OSCP1: variants seen among roughly 807,000 people sequenced by gnomAD.
The protein encoded by OSCP1 is organic solute carrier partner 1.
In OSCP1, 35 loss-of-function variants were observed where a neutral mutation model predicts 45.1. The ratio of observed to expected loss-of-function variants is 0.78; its 90% confidence interval spans 0.59 to 1.03. OSCP1 has a LOEUF of 1.03. OSCP1 is among the 50% of genes least tolerant of loss of function. OSCP1 has a pLI of 0.00. For synonymous variants in OSCP1, 179 were observed against 180.1 expected, an observed-to-expected ratio of 0.99 and a Z score of 0.05; for missense variants, 400 against 470.7, an observed-to-expected ratio of 0.85 and a Z score of 1.39.
chr1:36,450,166 G>A (rs1203822515), intron 1 of OSCP1, 92 bp downstream of exon 1: 1 of 990,108 alleles, frequency 1.0e-6, no homozygotes, highest in Non-Finnish European at 1.6e-6. Flanking sequence ...GAAGTGTGTA[G>A]GGGTGCGGGT....
At chr1:36,421,300 T>G (rs140828683) in intron 7 of OSCP1, among the ~76,000 whole-genome samples, 182 of 152,272 alleles carry the variant, frequency 1.2e-3, no homozygotes, top group African/African-American at 4.2e-3. Context: ...ATCCGTTACG[T>G]AAGCCTCGTG....
chr1:36,422,679 T>C (rs1647725455), intron 6 of OSCP1, 89 bp downstream of exon 6: 2 of 1,297,816 alleles, frequency 1.5e-6, no homozygotes, highest in Non-Finnish European at 2.1e-6. Flanking sequence ...GGGATTTTCA[T>C]AGCAGAAGTC....
intron 2 of OSCP1, among the ~76,000 whole-genome samples, chr1:36,434,569 T>G (rs3931588): frequency 0.34 from 51,939 of 151,462 alleles, 9,205 homozygotes; most frequent in East Asian, 0.55. Context: ...GGCCAACATG[T>G]TGAAACCCCA....
chr1:36,449,429 T>G (rs1649741684), intron 1 of OSCP1, among the ~76,000 whole-genome samples: 1 of 122,774 alleles, frequency 8.1e-6, no homozygotes, highest in South Asian at 2.5e-4. Context: ...ACTTTCTTAT[T>G]TTTTTCATAT....
chr1:36,438,668 T>A, intron 2 of OSCP1, 88 bp downstream of exon 2: 1 of 1,458,202 alleles, frequency 6.9e-7, no homozygotes, highest in Non-Finnish European at 9.2e-7. Context: ...GACCATTGCA[T>A]ACATCATCTC....
intron 9 of OSCP1, 69 bp downstream of exon 9, chr1:36,418,922 G>C (rs1647440484): frequency 2.3e-6 from 3 of 1,294,946 alleles, no homozygotes; most frequent in Non-Finnish European, 3.3e-6. Context: ...GCGAGACCCT[G>C]TCTCAAGAAA....
At chr1:36,419,463 A>C (rs145110031) in intron 8 of OSCP1, among the ~76,000 whole-genome samples, 1 of 152,368 alleles carries the variant, frequency 6.6e-6, no homozygotes, top group African/African-American at 2.4e-5. Flanking sequence ...TCTAGGTCTT[A>C]CATCTTTGCA....
intron 4 of OSCP1, among the ~76,000 whole-genome samples, chr1:36,424,594 C>T (rs1647854007): frequency 6.6e-6 from 1 of 152,212 alleles, no homozygotes; most frequent in Non-Finnish European, 1.5e-5. Flanking sequence ...ACCTTATCCA[C>T]ATGCTGGACT....
chr1:36,422,830 A>G lies in OSCP1; in HGVS notation c.687T>C (p.Pro229=). Reference sequence around the variant, plus strand: ...GTTCAAAAGAACCTTCTTTGGGTGCAGGGACATAGTTTCCACCATGCTTGA... The same window carrying G: ...GTTCAAAAGAACCTTCTTTGGGTGCGGGGACATAGTTTCCACCATGCTTGA... ...IEFKHGGNYV[P]APKEGSFELY... is the part of the protein sequence containing the mutation. Residue 229 remains proline (P), a synonymous_variant, in exon 6 of 10, where the codon CCT becomes CCC. Coordinates refer to ENST00000235532, the MANE Select transcript of OSCP1 (RefSeq NM_145047.5). The G allele has an allele frequency of 6.2e-7, 1 of 1,610,594 alleles. No individual in the cohort carries two copies. The highest frequency in any genetic ancestry group is 2.2e-5 in the East Asian group (1 of 44,746).
chr1:36,427,914 G>A (rs79095538), intron 4 of OSCP1, among the ~76,000 whole-genome samples: 15,550 of 152,050 alleles, frequency 0.1, 943 homozygotes, highest in East Asian at 0.29. Flanking sequence ...AAGGCCGGGC[G>A]CTGTGGCTCG....
At chr1:36,422,548 G>A (rs1168185625) in intron 6 of OSCP1, among the ~76,000 whole-genome samples, 1 of 152,142 alleles carries the variant, frequency 6.6e-6, no homozygotes, top group Admixed American at 6.6e-5. Flanking sequence ...CATGGCTATT[G>A]AACATCATGT....
intron 1 of OSCP1, among the ~76,000 whole-genome samples, chr1:36,441,148 G>T (rs1649117087): frequency 6.6e-6 from 1 of 152,226 alleles, no homozygotes; most frequent in Non-Finnish European, 1.5e-5. Context: ...GAGGACGGCG[G>T]GGTCTGTCCT....
chr1:36,445,140 A>G (rs1450905828), intron 1 of OSCP1, among the ~76,000 whole-genome samples: 2 of 152,234 alleles, frequency 1.3e-5, no homozygotes, highest in African/African-American at 4.8e-5. Flanking sequence ...ACCTGAGGTC[A>G]GGAGTTCGAG....
intron 1 of OSCP1, among the ~76,000 whole-genome samples, chr1:36,443,561 A>G (rs893587446): frequency 1.3e-5 from 2 of 152,112 alleles, no homozygotes; most frequent in South Asian, 2.1e-4. Flanking sequence ...ATGCAGTTAC[A>G]TGCTTCAATT....
At chr1:36,418,554 C>A in intron 9 of OSCP1, 1 of 434,956 alleles carries the variant, frequency 2.3e-6, no homozygotes, top group Non-Finnish European at 4.1e-6. Context: ...CACTTAACAG[C>A]TATATTGTAG....
At chr1:36,423,608 A>C (rs145090458) in intron 4 of OSCP1, 142 bp from the exon 5 acceptor site, 59,421 of 588,084 alleles carry the variant, frequency 0.1, 3,611 homozygotes, top group East Asian at 0.25. Flanking sequence ...GGCGCAGTGG[A>C]TCATGCCTGT....
intron 2 of OSCP1, among the ~76,000 whole-genome samples, chr1:36,435,398 G>A (rs1648657998): frequency 6.6e-6 from 1 of 151,590 alleles, no homozygotes; most frequent in Non-Finnish European, 1.5e-5. Flanking sequence ...TCTTCCACCT[G>A]GGCCTCTCAA....
At chr1:36,441,970 G>A (rs1018839210) in intron 1 of OSCP1, among the ~76,000 whole-genome samples, 14 of 152,014 alleles carry the variant, frequency 9.2e-5, no homozygotes, top group Admixed American at 7.2e-4. Context: ...GCTCACGCCT[G>A]TAATCCCAGC....
intron 4 of OSCP1, among the ~76,000 whole-genome samples, chr1:36,428,873 A>G (rs1648156428): frequency 6.6e-6 from 1 of 152,070 alleles, no homozygotes; most frequent in South Asian, 2.1e-4. Flanking sequence ...TGAACCCGGG[A>G]GGTGGAGGTT....
Sources: allele counts gnomAD v4.1 joint callset (sites outside exome capture counted in the v4.1 genomes callset), GRCh38; gene constraint gnomAD v4.1.1; transcripts MANE v1.5; gene names NCBI Gene and HGNC (gene_info 2026-07-23, HGNC 2026-07-21).